EML6: variants seen among roughly 807,000 people sequenced by gnomAD.
EML6 encodes echinoderm microtubule-associated protein-like 6.
A neutral mutation model predicts 240.1 loss-of-function variants in EML6; 154 were observed. The ratio of observed to expected loss-of-function variants is 0.64; its 90% CI spans 0.56 to 0.73. EML6 has a LOEUF of 0.73. EML6 is among the 30% of genes least tolerant of loss of function. EML6 has a pLI of 0.00. For synonymous variants in EML6, 1,148 were observed against 899.0 expected, an observed-to-expected ratio of 1.28 and a Z score of -4.95; for missense variants, 2,964 against 2,474.6, an observed-to-expected ratio of 1.20 and a Z score of -4.20.
In EML6 at chr2:54,884,660, A is replaced by G. The variant is rs116602106; in HGVS notation, c.2438+5020A>G. Among the ~76,000 whole-genome samples, 697 of 152,354 alleles carry G rather than the reference A, an allele frequency of 4.6e-3. 2 individuals carry two copies. The highest frequency in any genetic ancestry group is 7.7e-3 in the Non-Finnish European group (525 of 68,040). ...GGGGAGAATTGAAGACCACATATGT[A>G]TTTTGTAATATCACAATGGCACTAA... On this transcript the variant is annotated intron_variant, in intron 17 of 41. Transcript: ENST00000356458.
At chr2:54,959,495 T>C (rs1029906431) in intron 34 of EML6, among the ~76,000 whole-genome samples, 2 of 152,040 alleles carry the variant, frequency 1.3e-5, no homozygotes, top group South Asian at 4.2e-4. Flanking sequence ...GGCATGGTGG[T>C]TCACGCCTGT....
chr2:54,833,691 A>G (rs1325173138), intron 7 of EML6, among the ~76,000 whole-genome samples: 1 of 152,192 alleles, frequency 6.6e-6, no homozygotes, highest in Non-Finnish European at 1.5e-5. Context: ...AGGGAATTGT[A>G]GAGTTTTATT....
chr2:54,938,869 A>G lies in EML6; in HGVS notation c.4005-10013A>G, dbSNP rs75508415. The stretch of plus-strand genomic sequence containing the variant: ...GGGCTTTATTTTTGGTTTCCGTATT[A>G]TCTCATTTCTGTTGGTGGGAGACCT... On this transcript the variant is annotated intron_variant, in intron 28 of 41. Transcript: ENST00000356458. Among the ~76,000 whole-genome samples, 92 of 152,254 alleles carry G rather than the reference A, an allele frequency of 6.0e-4. No homozygotes were observed. In the East Asian group the frequency reaches 8.1e-3, roughly 13 times the overall value.
At chr2:54,852,178 T>C (rs978735147) in intron 10 of EML6, among the ~76,000 whole-genome samples, 9 of 152,346 alleles carry the variant, frequency 5.9e-5, no homozygotes, top group South Asian at 2.1e-4. Context: ...AATGTGCCCA[T>C]TGGGATTTTT....
chr2:54,854,769 C>T (rs886915640), intron 11 of EML6, among the ~76,000 whole-genome samples: 2 of 152,206 alleles, frequency 1.3e-5, no homozygotes, highest in Admixed American at 6.5e-5. Flanking sequence ...AATGACCATC[C>T]GTTTAAAATG....
At chr2:54,908,104 A>G (rs1243082705) in intron 24 of EML6, among the ~76,000 whole-genome samples, 1 of 152,266 alleles carries the variant, frequency 6.6e-6, no homozygotes, top group Non-Finnish European at 1.5e-5. Flanking sequence ...TTTTAAAAAA[A>G]TACCCTTAAT....
intron 22 of EML6, among the ~76,000 whole-genome samples, chr2:54,902,646 G>C (rs1027461850): frequency 6.6e-6 from 1 of 152,174 alleles, no homozygotes; most frequent in African/African-American, 2.4e-5. Flanking sequence ...CAATCCACCT[G>C]CCTTGGCCTC....
In EML6 at chr2:54,907,934, AGATAGATAGATAAGATAGATAGATAGAT is replaced by A. The variant is rs1292866522; in HGVS notation, c.3410-3019_3410-2992del. On this transcript the variant is annotated intron_variant, in intron 24 of 41. Coordinates refer to ENST00000356458, the MANE Select transcript of EML6 (RefSeq NM_001039753.4). Reference sequence around the variant, plus strand: ...TAGATAGATAGATAGATAGATAGATAGATAGATAGATAAGATAGATAGATAGATAGATAGATAGATAGATAGATAGATA... The same window carrying A: ...TAGATAGATAGATAGATAGATAGATAAGATAGATAGATAGATAGATAGATA... Among the ~76,000 whole-genome samples, 321 of 52,130 alleles carry A rather than the reference AGATAGATAGATAAGATAGATAGATAGAT, an allele frequency of 6.2e-3. 2 individuals carry two copies. Among genetic ancestry groups the A allele is most frequent in the African/African-American group, 0.011 (176 of 16,012 alleles). The allele number at this position is 52,130 out of a possible 152,430, so 34.2% of individuals were successfully genotyped here. A position where few individuals can be genotyped will look rare whatever the true frequency, so the allele number is the denominator to read the frequency against.
chr2:54,789,515 A>G (rs1325313998), intron 2 of EML6, among the ~76,000 whole-genome samples: 3 of 30,030 alleles, frequency 1.0e-4, no homozygotes, highest in African/African-American at 7.5e-4. Flanking sequence ...CTTCGTCTCA[A>G]AAAAAAAAAA....
intron 28 of EML6, among the ~76,000 whole-genome samples, chr2:54,944,426 T>C (rs1490441497): frequency 2.6e-5 from 4 of 152,160 alleles, no homozygotes; most frequent in Admixed American, 2.6e-4. Context: ...CGCCAACCTT[T>C]CTTTAAATAT....
chr2:54,936,094 A>C (rs552491346), intron 28 of EML6, among the ~76,000 whole-genome samples: 14 of 152,342 alleles, frequency 9.2e-5, no homozygotes, highest in African/African-American at 3.4e-4. Flanking sequence ...TCATTATCAC[A>C]TTAAGAGAAA....
At chr2:54,765,353 A>G (rs72915572) in intron 2 of EML6, among the ~76,000 whole-genome samples, 7,977 of 152,290 alleles carry the variant, frequency 0.052, 663 homozygotes, top group African/African-American at 0.17. Context: ...ATCTATATCT[A>G]TAATTTTAGC....
chr2:54,962,729 C>G lies in EML6; in HGVS notation c.5157+18C>G, dbSNP rs1405646358. On this transcript the variant is annotated intron_variant, in intron 36 of 41. Coordinates refer to ENST00000356458, the MANE Select transcript of EML6 (RefSeq NM_001039753.4). ...CTGACAAGGTGAGGCCGACTCTGCCCAAACTCAGATGCCCACGAGTGGGCT... is the reference window on the plus strand; with the variant it reads ...CTGACAAGGTGAGGCCGACTCTGCCGAAACTCAGATGCCCACGAGTGGGCT... The G allele has an allele frequency of 6.9e-7, 1 of 1,453,048 alleles. No individual in the cohort carries two copies. The highest frequency in any genetic ancestry group is 9.1e-7 in the Non-Finnish European group (1 of 1,099,194). The allele number at this position is 1,453,048 out of a possible 1,614,324, so 90.0% of individuals were successfully genotyped here. A position where few individuals can be genotyped will look rare whatever the true frequency, so the allele number is the denominator to read the frequency against.
At chr2:54,726,445 CT>C (rs10717514) in intron 2 of EML6, among the ~76,000 whole-genome samples, 116,026 of 150,938 alleles carry the variant, frequency 0.77, 45,522 homozygotes, top group African/African-American at 0.93. Context: ...ATTCCAGAGC[CT>C]TTTTTTTTTC....
chr2:54,884,100 G>A (rs1264809977), intron 17 of EML6, among the ~76,000 whole-genome samples: 1 of 152,156 alleles, frequency 6.6e-6, no homozygotes, highest in Non-Finnish European at 1.5e-5. Flanking sequence ...CTACCTGGAG[G>A]TAGCCTCAGA....
At chr2:54,831,568 A>G (rs908344247) in intron 7 of EML6, among the ~76,000 whole-genome samples, 1 of 152,170 alleles carries the variant, frequency 6.6e-6, no homozygotes, top group Non-Finnish European at 1.5e-5. Flanking sequence ...ATCAAAGCAC[A>G]TCTGGCTGGT....
intron 2 of EML6, among the ~76,000 whole-genome samples, chr2:54,748,611 G>A (rs1410737453): frequency 1.3e-5 from 2 of 152,130 alleles, no homozygotes; most frequent in Admixed American, 6.5e-5. Context: ...CTACACTGGA[G>A]TGCAGTGGTA....
intron 28 of EML6, among the ~76,000 whole-genome samples, chr2:54,940,639 A>G (rs189331731): frequency 6.6e-6 from 1 of 152,312 alleles, no homozygotes; most frequent in East Asian, 1.9e-4. Flanking sequence ...TTAATATTTA[A>G]TCTGTCTTCA....
intron 13 of EML6, among the ~76,000 whole-genome samples, chr2:54,865,652 A>T (rs1453890356): frequency 1.3e-5 from 2 of 152,350 alleles, no homozygotes; most frequent in South Asian, 4.1e-4. Context: ...GGAATGCTCA[A>T]CCAGTAAGTA....
Sources: gnomAD v4.1 joint callset for allele counts (sites outside exome capture counted in the v4.1 genomes callset) on GRCh38, gnomAD v4.1.1 for gene constraint, MANE v1.5 for transcripts, NCBI Gene and HGNC (gene_info 2026-07-23, HGNC 2026-07-21) for gene names.